TRPC6: variants seen among roughly 807,000 people sequenced by gnomAD.
TRPC6 encodes the protein transient receptor potential cation channel subfamily C member 6, also known as short transient receptor potential channel 6.
TRPC6 carries 55 observed loss-of-function variants against 90.7 expected under a neutral mutation model. The ratio of observed to expected loss-of-function variants is 0.61; its 90% CI spans 0.49 to 0.76. TRPC6 has a LOEUF of 0.76. Among genes scored for constraint, TRPC6 ranks in the 30% least tolerant of loss-of-function variants. The pLI, the probability that TRPC6 is intolerant of heterozygous loss-of-function variation, is 0.00. For missense variants in TRPC6, 989 were observed against 1,122.7 expected (o/e 0.88, Z 1.70); for synonymous variants, 393 against 393.0 (o/e 1.00, Z 0.00).
intron 1 of TRPC6, among the ~76,000 whole-genome samples, chr11:101,570,439 G>A (rs1861936406): frequency 6.6e-6 from 1 of 152,164 alleles, no homozygotes; most frequent in African/African-American, 2.4e-5. Flanking sequence ...AATTCTACCA[G>A]AAGTACAAAG....
intron 3 of TRPC6, 84 bp from the exon 4 acceptor site, chr11:101,489,185 G>T: frequency 2.4e-6 from 3 of 1,232,958 alleles, no homozygotes; most frequent in Non-Finnish European, 3.5e-6. Flanking sequence ...ATAGTTCCAT[G>T]CTTTCCAATG....
At chr11:101,508,741 A>G (rs1860330137) in intron 1 of TRPC6, among the ~76,000 whole-genome samples, 1 of 152,300 alleles carries the variant, frequency 6.6e-6, no homozygotes, top group East Asian at 1.9e-4. Context: ...AGGGATCTAT[A>G]AAAGTAAGAT....
intron 1 of TRPC6, among the ~76,000 whole-genome samples, chr11:101,570,350 A>C (rs576546139): frequency 6.6e-6 from 1 of 152,232 alleles, no homozygotes; most frequent in Non-Finnish European, 1.5e-5. Flanking sequence ...GAATAGACCA[A>C]TAACAAGTTC....
In TRPC6 at chr11:101,482,979, T is replaced by C; in HGVS notation, c.1480A>G (p.Met494Val). 6.2e-7 allele frequency: 1 copy of C among 1,614,002 alleles called. No individual in the cohort carries two copies. The change falls in exon 5 of 13, where the codon ATG becomes GTG. Residue 494 changes from methionine (M) to valine (V), a missense_variant. This residue lies in a region of TRPC6 where 486 missense variants were observed against 591.9 expected (regional missense o/e 0.82). Coordinates refer to ENST00000344327, the MANE Select transcript of TRPC6 (RefSeq NM_004621.6). ...ACCCAGGATATAATGAGCATCTCCA[T>C]CCATGAGAAGCAGGATGTTTTCATC... ...FRMKTSCFSW[M>V]EMLIISWVIG...
chr11:101,568,304 G>A (rs921156472), intron 1 of TRPC6, among the ~76,000 whole-genome samples: 1 of 152,100 alleles, frequency 6.6e-6, no homozygotes, highest in Non-Finnish European at 1.5e-5. Flanking sequence ...ATGAAGACAA[G>A]ATTAGAGAAA....
At chr11:101,453,920 C>T (rs1858824284) in intron 11 of TRPC6, among the ~76,000 whole-genome samples, 195 bp from the exon 12 acceptor site, 1 of 152,118 alleles carries the variant, frequency 6.6e-6, no homozygotes, top group Non-Finnish European at 1.5e-5. Context: ...TTTCACATCA[C>T]CTAGGCTAAT....
At chr11:101,502,006 G>C (rs563162956) in intron 2 of TRPC6, among the ~76,000 whole-genome samples, 1 of 152,106 alleles carries the variant, frequency 6.6e-6, no homozygotes, top group Non-Finnish European at 1.5e-5. Flanking sequence ...TTAGCAAAAA[G>C]GTATGCATGT....
intron 6 of TRPC6, among the ~76,000 whole-genome samples, chr11:101,475,194 G>C (rs1411835918): frequency 1.3e-5 from 2 of 152,014 alleles, no homozygotes; most frequent in Non-Finnish European, 2.9e-5. Flanking sequence ...AGCCTGGTTG[G>C]GAAACAGTGG....
intron 1 of TRPC6, among the ~76,000 whole-genome samples, chr11:101,540,771 A>G (rs1218725761): frequency 6.6e-6 from 1 of 152,154 alleles, no homozygotes; most frequent in Non-Finnish European, 1.5e-5. Flanking sequence ...AAAAATCAAA[A>G]TGTTTTGGTT....
chr11:101,470,085 A>G (rs1286687617), intron 9 of TRPC6, among the ~76,000 whole-genome samples: 1 of 152,150 alleles, frequency 6.6e-6, no homozygotes, highest in Non-Finnish European at 1.5e-5. Flanking sequence ...ATTTGGCCCA[A>G]TTGCCCACTC....
Position 101,483,026 on chromosome 11 carries a change from T to C in TRPC6, c.1433A>G (p.Asp478Gly). ...TKLLPNETST[D>G]NAKQLFRMKT... ...CATCCTGAACAGCTGTTTTGCATTA[T>C]CTGTGCTGGTTTCATTAGGAAGGAG... The change falls in exon 5 of 13, where the codon GAT (aspartate) becomes GGT (glycine). Residue 478 changes from aspartate (D) to glycine (G), a missense_variant. Physicochemically the swap from Asp to Gly is moderately conservative, Grantham distance 94. This residue lies in a region of TRPC6 where 486 missense variants were observed against 591.9 expected (regional missense o/e 0.82). Transcript: ENST00000344327. The C allele has an allele frequency of 1.2e-6, 2 of 1,614,112 alleles. No individual in the cohort carries two copies. The highest frequency in any genetic ancestry group is 1.7e-6 in the Non-Finnish European group (2 of 1,179,952).
chr11:101,492,369 A>G (rs1332754044), intron 2 of TRPC6, among the ~76,000 whole-genome samples: 1 of 152,132 alleles, frequency 6.6e-6, no homozygotes, highest in Non-Finnish European at 1.5e-5. Context: ...AGATCGCTTG[A>G]GCCCAGAAGT....
intron 1 of TRPC6, among the ~76,000 whole-genome samples, chr11:101,517,429 A>T (rs908643931): frequency 6.6e-6 from 1 of 152,150 alleles, no homozygotes; most frequent in Non-Finnish European, 1.5e-5. Context: ...TTGTCTTTTT[A>T]TTCCTATGCT....
Position 101,452,566 on chromosome 11 carries a change from G to C in TRPC6, c.*389C>G. 4.6e-6 allele frequency: 1 copy of C among 215,400 alleles called. No individual in the cohort carries two copies. The highest frequency in any genetic ancestry group is 9.4e-6 in the Non-Finnish European group (1 of 106,554). 13.3% of individuals were successfully genotyped at this position (215,400 alleles called of 1,614,324 possible). On this transcript the variant is annotated 3_prime_UTR_variant, in exon 13 of 13. Coordinates refer to ENST00000344327, the MANE Select transcript of TRPC6 (RefSeq NM_004621.6). ...TCCCCAGCAGGGGATCCACAGAGCA[G>C]GCAAGAAGGAACCTGAAATAAACTT...
chr11:101,517,159 T>C (rs904728211), intron 1 of TRPC6, among the ~76,000 whole-genome samples: 1 of 152,138 alleles, frequency 6.6e-6, no homozygotes, highest in Admixed American at 6.5e-5. Flanking sequence ...CTACTTACAA[T>C]AGTATGTTCA....
chr11:101,583,637 G>A lies in TRPC6; in HGVS notation c.-134C>T, dbSNP rs1862256361. ...GCAGACCGGTGCCCAGGGGACGACG[G>A]TGAAGCAGGGGGTGCAGACGCCCGC... On this transcript the variant is annotated 5_prime_UTR_variant, in exon 1 of 13. Coordinates refer to ENST00000344327, the MANE Select transcript of TRPC6 (RefSeq NM_004621.6). 1 of 1,006,852 alleles carries A rather than the reference G, an allele frequency of 9.9e-7. No individual in the cohort carries two copies. Among genetic ancestry groups the A allele is most frequent in the Non-Finnish European group, 1.3e-6 (1 of 744,430 alleles). The allele number at this position is 1,006,852 out of a possible 1,614,324, so 62.4% of individuals were successfully genotyped here. A position where few individuals can be genotyped will look rare whatever the true frequency, so the allele number is the denominator to read the frequency against.
chr11:101,476,503 C>G lies in TRPC6; in HGVS notation c.1542G>C (p.Trp514Cys). 1 of 1,614,058 alleles carries G rather than the reference C, an allele frequency of 6.2e-7. No homozygotes were observed. Among genetic ancestry groups the G allele is most frequent in the Non-Finnish European group, 8.5e-7 (1 of 1,179,972 alleles). Residue 514 changes from tryptophan to cysteine, a missense_variant, in exon 6 of 13, where the codon TGG becomes TGC. Physicochemically the swap from Trp to Cys is radical, Grantham distance 215. Coordinates refer to ENST00000344327, the MANE Select transcript of TRPC6 (RefSeq NM_004621.6). ...GMIWAECKEI[W>C]TQGPKEYLFE... ...ACAAATATTCCTTGGGGCCCTGAGT[C>G]CAGATTTCTTTACATTCAGCCCATA...
chr11:101,500,814 G>T (rs980801135), intron 2 of TRPC6, among the ~76,000 whole-genome samples: 1 of 152,128 alleles, frequency 6.6e-6, no homozygotes. Flanking sequence ...AGGAGTAAAA[G>T]GAAAGATGCA....
In TRPC6 at chr11:101,583,340, G is replaced by C; in HGVS notation, c.164C>G (p.Pro55Arg). 6.3e-7 allele frequency: 1 copy of C among 1,588,592 alleles called. No homozygotes were observed. The highest frequency in any genetic ancestry group is 8.6e-7 in the Non-Finnish European group (1 of 1,168,062). ...QAPLPCYGYY[P>R]CFRGSDNRLA... The stretch of plus-strand genomic sequence containing the variant: ...CCGCGTCGCCGGCACTCACAAGCAG[G>C]GGTAGTAGCCGTAGCAAGGCAGCGG... The change falls in exon 1 of 13, where the codon CCC becomes CGC. Residue 55 changes from proline to arginine, a missense_variant. Pro to Arg is a moderately radical substitution (Grantham distance 103). This residue lies in a region of TRPC6 where 194 missense variants were observed against 136.5 expected (regional missense o/e 1.42). Transcript: ENST00000344327.
Sources: gnomAD v4.1 joint callset for allele counts (sites outside exome capture counted in the v4.1 genomes callset) on GRCh38, gnomAD v4.1.1 for gene constraint, gnomAD v4.1.1 regional missense constraint, MANE v1.5 for transcripts, NCBI Gene and HGNC (gene_info 2026-07-23, HGNC 2026-07-21) for gene names.